The following PDZD2 variants were observed in gnomAD, a reference collection of about 807,000 sequenced individuals.
PDZD2 encodes PDZ domain-containing protein 2.
PDZD2 carries 90 observed loss-of-function variants against 220.7 expected under a neutral mutation model. That is an observed-to-expected ratio of 0.41 (90% CI 0.34 to 0.49). The LOEUF (loss-of-function observed/expected upper bound fraction) is 0.49, where lower values mean the gene tolerates loss of function less well. Ranked by LOEUF, PDZD2 falls within the 20% of genes least tolerant of loss-of-function variation. PDZD2 has a pLI of 0.28. For synonymous variants in PDZD2, 1,375 were observed against 1,450.5 expected (o/e 0.95, Z 1.18); for missense variants, 3,174 against 3,608.5 (o/e 0.88, Z 3.08).
At chr5:31,801,116 C>G (rs1754366625) in intron 2 of PDZD2, among the ~76,000 whole-genome samples, 1 of 152,174 alleles carries the variant, frequency 6.6e-6, no homozygotes. Context: ...TCATTGGGCA[C>G]ATACAACATG....
At chr5:31,777,275 C>T (rs1351314000) in intron 1 of PDZD2, among the ~76,000 whole-genome samples, 1 of 152,172 alleles carries the variant, frequency 6.6e-6, no homozygotes, top group South Asian at 2.1e-4. Context: ...GGCGCCAGGT[C>T]CCCCAGCACT....
chr5:31,791,794 A>C (rs1406230836), intron 1 of PDZD2, among the ~76,000 whole-genome samples: 1 of 152,138 alleles, frequency 6.6e-6, no homozygotes, highest in Non-Finnish European at 1.5e-5. Flanking sequence ...TCAAGTCCTT[A>C]ACGTCTGCTT....
chr5:31,779,297 C>A (rs1432692114), intron 1 of PDZD2, among the ~76,000 whole-genome samples: 1 of 152,084 alleles, frequency 6.6e-6, no homozygotes, highest in African/African-American at 2.4e-5. Flanking sequence ...ACTTCTATCA[C>A]CCCCAATTCC....
chr5:32,062,614 G>A (rs895570274), intron 14 of PDZD2, among the ~76,000 whole-genome samples: 2 of 151,800 alleles, frequency 1.3e-5, no homozygotes, highest in Admixed American at 6.6e-5. Flanking sequence ...GGCTGGTCTC[G>A]AACTCCTGAG....
rs1742532517 is a variant in PDZD2, at chr5:32,087,005, A to C, written c.3683-126A>C. ...CGCCCAGCTTTCTGAAAAAGAAAAA[A>C]ATATTTGAGGTTGTTTATAATTTTC... is the stretch of plus-strand genomic sequence containing the variant. On this transcript the variant is annotated intron_variant, in intron 19 of 24. Coordinates refer to ENST00000438447, the MANE Select transcript of PDZD2 (RefSeq NM_178140.4). This position sits in a 1 kb window ranked among gnomAD's most constrained non-coding sequence, Gnocchi z 4.0. 3 of 649,100 alleles carry C rather than the reference A, an allele frequency of 4.6e-6. No homozygotes were observed. Among genetic ancestry groups the C allele is most frequent in the South Asian group, 4.6e-5 (2 of 43,584 alleles). 40.2% of individuals were successfully genotyped at this position (649,100 alleles called of 1,614,324 possible). A position where few individuals can be genotyped will look rare whatever the true frequency, so the allele number is the denominator to read the frequency against.
intron 2 of PDZD2, among the ~76,000 whole-genome samples, chr5:31,980,720 C>T (rs79045780): frequency 0.069 from 10,479 of 152,132 alleles, 473 homozygotes; most frequent in Non-Finnish European, 0.099. Context: ...GAAATCTATA[C>T]GTTATAGAAA....
intron 1 of PDZD2, among the ~76,000 whole-genome samples, chr5:31,715,530 A>G (rs1394253330): frequency 6.6e-6 from 1 of 152,266 alleles, no homozygotes; most frequent in African/African-American, 2.4e-5. Flanking sequence ...GACATCTTAA[A>G]GTAAATTCAG....
At chr5:31,906,824 C>T (rs1023515849) in intron 2 of PDZD2, among the ~76,000 whole-genome samples, 1 of 151,808 alleles carries the variant, frequency 6.6e-6, no homozygotes, top group Non-Finnish European at 1.5e-5. Flanking sequence ...GCCTGGGCAA[C>T]AGAGCAAGAC....
At chr5:31,915,805 C>T (rs1743627661) in intron 2 of PDZD2, among the ~76,000 whole-genome samples, 1 of 152,172 alleles carries the variant, frequency 6.6e-6, no homozygotes, top group African/African-American at 2.4e-5. Flanking sequence ...TCTATCTGAG[C>T]CCAGTCTTGA....
intron 2 of PDZD2, among the ~76,000 whole-genome samples, chr5:31,937,955 A>C (rs142367076): frequency 6.6e-6 from 1 of 152,256 alleles, no homozygotes; most frequent in Non-Finnish European, 1.5e-5. Flanking sequence ...CTGGGAGCTA[A>C]GAATGTGTTT....
intron 1 of PDZD2, among the ~76,000 whole-genome samples, chr5:31,777,649 T>C (rs7730034): frequency 0.5 from 75,779 of 151,840 alleles, 19,767 homozygotes; most frequent in Middle Eastern, 0.54. Context: ...CAATCAGCAC[T>C]CTGTGTCTAG....
At chr5:31,993,926 G>A (rs559385672) in intron 3 of PDZD2, among the ~76,000 whole-genome samples, 204 of 152,318 alleles carry the variant, frequency 1.3e-3, no homozygotes, top group South Asian at 5.4e-3. Context: ...GAAGTAAGGA[G>A]ACAAGCAGAG....
intron 1 of PDZD2, among the ~76,000 whole-genome samples, chr5:31,745,509 C>T (rs905091907): frequency 6.6e-6 from 1 of 152,222 alleles, no homozygotes; most frequent in Non-Finnish European, 1.5e-5. Context: ...CCTGGAGAGA[C>T]ATCCTTGCCC....
intron 6 of PDZD2, among the ~76,000 whole-genome samples, chr5:32,022,185 G>GTTTTTTTTTTTTTTTTT (rs145876120): frequency 7.4e-6 from 1 of 135,592 alleles, no homozygotes; most frequent in Non-Finnish European, 1.6e-5. Flanking sequence ...TTGTTTTTTT[G>GTTTTTTTTTTTTTTTTT]TTTTTTTGTT....
At chr5:31,693,653 C>T (rs1168727940) in intron 1 of PDZD2, among the ~76,000 whole-genome samples, 7 of 152,096 alleles carry the variant, frequency 4.6e-5, no homozygotes, top group African/African-American at 1.7e-4. Context: ...TGTGTGCACT[C>T]GTGGCTTCCA....
Position 31,799,734 on chromosome 5 carries a change from G to A in PDZD2, c.476+10G>A, listed in dbSNP as rs368916266. 1.8e-5 allele frequency: 29 copies of A among 1,570,294 alleles called. No individual in the cohort carries two copies. The highest frequency in any genetic ancestry group is 2.4e-5 in the Non-Finnish European group (27 of 1,140,640). The stretch of plus-strand genomic sequence containing the variant: ...ATGTCAGTGGGGCCAGGTAAGTAGG[G>A]GGAATGCCTGCTGGCACAGGGGCTG... On this transcript the variant is annotated intron_variant, in intron 2 of 24. Coordinates refer to ENST00000438447, the MANE Select transcript of PDZD2 (RefSeq NM_178140.4).
At chr5:31,881,372 A>AT (rs1739905420) in intron 2 of PDZD2, among the ~76,000 whole-genome samples, 5 of 125,932 alleles carry the variant, frequency 4.0e-5, no homozygotes, top group African/African-American at 1.7e-4. Context: ...GTGTGTGTAT[A>AT]TATTTTTTTT....
At chr5:31,873,605 T>C (rs1056059065) in intron 2 of PDZD2, among the ~76,000 whole-genome samples, 2 of 151,976 alleles carry the variant, frequency 1.3e-5, no homozygotes, top group East Asian at 3.9e-4. Flanking sequence ...CTTGCTATGT[T>C]GCCCAGGCTG....
chr5:32,027,705 G>A (rs969747812), intron 6 of PDZD2, among the ~76,000 whole-genome samples: 2 of 152,234 alleles, frequency 1.3e-5, no homozygotes, highest in African/African-American at 4.8e-5. Context: ...GTCGAGTGTA[G>A]CAGTAGATTC....
Sources: gnomAD v4.1 joint callset for allele counts (sites outside exome capture counted in the v4.1 genomes callset) on GRCh38, gnomAD v4.1.1 for gene constraint, Gnocchi (gnomAD v3.1) non-coding constraint, MANE v1.5 for transcripts, NCBI Gene and HGNC (gene_info 2026-07-23, HGNC 2026-07-21) for gene names.